Variants in RSU1 observed in about 807,000 individuals in gnomAD.
The protein encoded by RSU1 is Ras suppressor protein 1, also known as rsu-1.
Under a neutral mutation model 31.1 loss-of-function variants are expected in RSU1, and 26 were observed. The ratio of observed to expected loss-of-function variants is 0.84; its 90% CI spans 0.61 to 1.16. RSU1 has a LOEUF of 1.16. Among genes scored for constraint, RSU1 ranks in the 50% most tolerant of loss-of-function variants. The pLI, the probability that RSU1 is intolerant of heterozygous loss-of-function variation, is 0.00. For synonymous variants in RSU1, 164 were observed against 136.3 expected (o/e 1.20, Z -1.41); for missense variants, 320 against 339.1 (o/e 0.94, Z 0.44).
intron 8 of RSU1, among the ~76,000 whole-genome samples, chr10:16,681,488 T>A (rs368993809): frequency 6.6e-6 from 1 of 152,174 alleles, no homozygotes; most frequent in African/African-American, 2.4e-5. Flanking sequence ...AGGGTCATCA[T>A]TGTCTTCTAT....
intron 8 of RSU1, among the ~76,000 whole-genome samples, chr10:16,684,157 A>T (rs1165730819): frequency 6.6e-6 from 1 of 152,244 alleles, no homozygotes; most frequent in Middle Eastern, 3.2e-3. Context: ...GAGATTCTTT[A>T]CAGATGCGCA....
intron 8 of RSU1, among the ~76,000 whole-genome samples, chr10:16,642,406 T>A (rs1321881245): frequency 1.3e-5 from 2 of 152,186 alleles, no homozygotes; most frequent in Non-Finnish European, 2.9e-5. Flanking sequence ...GGACTCTGGT[T>A]AGCAATAGGA....
intron 2 of RSU1, among the ~76,000 whole-genome samples, chr10:16,792,286 G>A (rs953492689): frequency 6.6e-6 from 1 of 152,236 alleles, no homozygotes; most frequent in African/African-American, 2.4e-5. Context: ...AGGCTGGAGT[G>A]CAGTGGCACA....
At chr10:16,654,808 G>C (rs1168218462) in intron 8 of RSU1, among the ~76,000 whole-genome samples, 2 of 151,294 alleles carry the variant, frequency 1.3e-5, no homozygotes, top group East Asian at 2.0e-4. Flanking sequence ...CCTATAATCC[G>C]AGCGCTCCTG....
At position 16,663,922 on chromosome 10, in the gene RSU1, T is replaced by C. The variant is rs1040330001; in HGVS notation, c.731+31101A>G. Among the ~76,000 whole-genome samples the C allele has an allele frequency of 2.6e-5, 4 of 151,388 alleles. No homozygotes were observed. The East Asian group carries it at 5.8e-4, about 22-fold the overall frequency. On this transcript the variant is annotated intron_variant, in intron 8 of 8. Coordinates refer to ENST00000345264, the MANE Select transcript of RSU1 (RefSeq NM_012425.4). ...GCAGGTAGTGCCTCTAAGAAAAGAG[T>C]GCTGGGTAGTAGTGGGGTCTTTCTT...
intron 2 of RSU1, among the ~76,000 whole-genome samples, chr10:16,789,599 G>A (rs10904815): frequency 0.32 from 48,875 of 152,068 alleles, 9,522 homozygotes; most frequent in African/African-American, 0.56. Context: ...AAGGTCTACC[G>A]AAATAGAATG....
chr10:16,745,952 CCAAA>C (rs1297899464), intron 7 of RSU1, among the ~76,000 whole-genome samples: 4 of 152,178 alleles, frequency 2.6e-5, no homozygotes, highest in African/African-American at 9.7e-5. Flanking sequence ...ACTTAATTGA[CCAAA>C]CAAATACTGG....
chr10:16,799,906 TAGAG>T (rs1252099713), intron 2 of RSU1, among the ~76,000 whole-genome samples: 1 of 152,124 alleles, frequency 6.6e-6, no homozygotes, highest in African/African-American at 2.4e-5. Context: ...ACAGGCTCAC[TAGAG>T]AGATCTAAGC....
At chr10:16,648,598 G>A (rs11254131) in intron 8 of RSU1, among the ~76,000 whole-genome samples, 1 of 151,992 alleles carries the variant, frequency 6.6e-6, no homozygotes. Context: ...TGAACAGATG[G>A]CTAAAGTAAA....
At chr10:16,803,477 T>C (rs1182057249) in intron 2 of RSU1, among the ~76,000 whole-genome samples, 1 of 152,182 alleles carries the variant, frequency 6.6e-6, no homozygotes, top group East Asian at 1.9e-4. Context: ...AGCAAGTTTA[T>C]GGATATCAAC....
chr10:16,650,971 G>GCA (rs1166914499), intron 8 of RSU1, among the ~76,000 whole-genome samples: 1 of 152,076 alleles, frequency 6.6e-6, no homozygotes, highest in Non-Finnish European at 1.5e-5. Context: ...TATAACGGAT[G>GCA]CACACAATTT....
chr10:16,776,663 A>G (rs548948336), intron 3 of RSU1, among the ~76,000 whole-genome samples: 3 of 152,220 alleles, frequency 2.0e-5, no homozygotes, highest in African/African-American at 7.2e-5. Context: ...AAAACTAAAC[A>G]ATTACATTCA....
intron 4 of RSU1, among the ~76,000 whole-genome samples, chr10:16,762,240 TAATACTAGGTACTGCTC>T (rs1837223420): frequency 6.6e-6 from 1 of 152,024 alleles, no homozygotes; most frequent in Non-Finnish European, 1.5e-5. Context: ...AATAGCTAAC[TAATACTAGGTACTGCTC>T]AGTATGTGCC....
chr10:16,636,424 G>A (rs1005689638), intron 8 of RSU1, among the ~76,000 whole-genome samples: 2 of 152,084 alleles, frequency 1.3e-5, no homozygotes, highest in African/African-American at 2.4e-5. Flanking sequence ...CTCCCGCTTC[G>A]AATAAATACC....
chr10:16,740,252 C>CA (rs1836724160), intron 7 of RSU1, among the ~76,000 whole-genome samples: 1 of 151,690 alleles, frequency 6.6e-6, no homozygotes, highest in Admixed American at 6.6e-5. Context: ...AAGGAAGATA[C>CA]AAAAAATAAA....
intron 7 of RSU1, among the ~76,000 whole-genome samples, chr10:16,718,752 G>T (rs189057830): frequency 6.6e-6 from 1 of 151,958 alleles, no homozygotes. Flanking sequence ...AGGCTGAGGC[G>T]GGCAGATCAC....
chr10:16,720,930 T>G (rs1482720916), intron 7 of RSU1, among the ~76,000 whole-genome samples: 4 of 152,002 alleles, frequency 2.6e-5, no homozygotes, highest in African/African-American at 9.7e-5. Context: ...GAGGCTGCAG[T>G]GAGCTGAGAC....
intron 8 of RSU1, among the ~76,000 whole-genome samples, chr10:16,647,668 G>T (rs1377167181): frequency 1.3e-5 from 2 of 152,134 alleles, no homozygotes; most frequent in African/African-American, 2.4e-5. Context: ...CAAGGGCTGG[G>T]GGAAGAGAAG....
intron 7 of RSU1, among the ~76,000 whole-genome samples, chr10:16,711,811 T>C (rs1051846273): frequency 4.6e-5 from 7 of 152,228 alleles, no homozygotes; most frequent in Admixed American, 3.3e-4. Flanking sequence ...GCATGTGCTC[T>C]ATCCTGGAGA....
Sources: gnomAD v4.1 joint callset for allele counts (sites outside exome capture counted in the v4.1 genomes callset) on GRCh38, gnomAD v4.1.1 for gene constraint, MANE v1.5 for transcripts, NCBI Gene and HGNC (gene_info 2026-07-23, HGNC 2026-07-21) for gene names.